The following EXOC6B variants were observed in gnomAD, a reference collection of about 807,000 sequenced individuals.
The protein encoded by EXOC6B is SEC15 homolog B.
Under a neutral mutation model 113.5 loss-of-function variants are expected in EXOC6B, and 54 were observed. The ratio of observed to expected loss-of-function variants is 0.48; its 90% CI spans 0.38 to 0.60. EXOC6B has a LOEUF of 0.60. EXOC6B is among the 20% of genes least tolerant of loss of function. EXOC6B has a pLI of 0.00. For missense variants in EXOC6B, 797 were observed against 977.5 expected (o/e 0.82, Z 2.46); for synonymous variants, 357 against 339.0 (o/e 1.05, Z -0.58).
chr2:72,638,157 G>C (rs899028024), intron 6 of EXOC6B, among the ~76,000 whole-genome samples: 1 of 152,004 alleles, frequency 6.6e-6, no homozygotes, highest in African/African-American at 2.4e-5. Flanking sequence ...TAAAATCAGA[G>C]AAGAAAAAGG....
chr2:72,775,020 G>A (rs192674002), intron 1 of EXOC6B, among the ~76,000 whole-genome samples: 26 of 152,286 alleles, frequency 1.7e-4, no homozygotes, highest in African/African-American at 5.3e-4. Flanking sequence ...CCAAATGGAA[G>A]AGGTGCATAG....
At chr2:72,814,783 A>G (rs574402962) in intron 1 of EXOC6B, among the ~76,000 whole-genome samples, 1 of 151,644 alleles carries the variant, frequency 6.6e-6, no homozygotes, top group East Asian at 2.0e-4. Context: ...CGACGTCAGG[A>G]GATCAAGACC....
chr2:72,435,282 G>C (rs1695785129), intron 18 of EXOC6B, among the ~76,000 whole-genome samples: 1 of 152,106 alleles, frequency 6.6e-6, no homozygotes, highest in Non-Finnish European at 1.5e-5. Context: ...TGTTTGTTAT[G>C]ATTTCCATTC....
At chr2:72,670,182 C>T (rs1675691738) in intron 6 of EXOC6B, among the ~76,000 whole-genome samples, 1 of 152,178 alleles carries the variant, frequency 6.6e-6, no homozygotes, top group South Asian at 2.1e-4. Context: ...CCAACTACTT[C>T]ACTATGCTGT....
chr2:72,317,559 TCACA>T lies in EXOC6B; in HGVS notation c.2196+17384_2196+17387del, dbSNP rs72124979. Among the ~76,000 whole-genome samples, 1,072 of 140,590 alleles carry T rather than the reference TCACA, an allele frequency of 7.6e-3. 7 individuals carry two copies. The highest frequency in any genetic ancestry group is 0.021 in the African/African-American group (833 of 39,092). 92.2% of individuals were successfully genotyped at this position (140,590 alleles called of 152,430 possible). A position where few individuals can be genotyped will look rare whatever the true frequency, so the allele number is the denominator to read the frequency against. On this transcript the variant is annotated intron_variant, in intron 20 of 21. Transcript: ENST00000272427. ...ACACAGGGAAGCATGTATGAACACATCACACACACACACACACACACACACACAC... is the reference window on the plus strand; with the variant it reads ...ACACAGGGAAGCATGTATGAACACATCACACACACACACACACACACACAC...
intron 2 of EXOC6B, among the ~76,000 whole-genome samples, chr2:72,737,522 A>T (rs1256216044): frequency 6.6e-6 from 1 of 152,134 alleles, no homozygotes; most frequent in Non-Finnish European, 1.5e-5. Flanking sequence ...ACATTTGCAT[A>T]GCATATAGTC....
In EXOC6B at chr2:72,184,203, A is replaced by C. The variant is rs1572958367; in HGVS notation, c.2197-16T>G. On this transcript the variant is annotated splice_polypyrimidine_tract_variant and intron_variant, in intron 20 of 21. Coordinates refer to ENST00000272427, the MANE Select transcript of EXOC6B (RefSeq NM_015189.3). ...GATCCAAAAGCTGTAAAATATCCAA[A>C]CCCCACCCCAGGGATTAGTCAGACA... The C allele has an allele frequency of 3.6e-6, 5 of 1,404,152 alleles. No homozygotes were observed. Among genetic ancestry groups the C allele is most frequent in the Non-Finnish European group, 4.9e-6 (5 of 1,012,962 alleles). 87.0% of individuals were successfully genotyped at this position (1,404,152 alleles called of 1,614,324 possible). A position where few individuals can be genotyped will look rare whatever the true frequency, so the allele number is the denominator to read the frequency against.
intron 6 of EXOC6B, among the ~76,000 whole-genome samples, chr2:72,690,152 C>T (rs536734365): frequency 4.6e-5 from 7 of 152,312 alleles, no homozygotes; most frequent in Non-Finnish European, 7.3e-5. Context: ...AACCTCTAAA[C>T]AGATGTTTCA....
intron 1 of EXOC6B, among the ~76,000 whole-genome samples, chr2:72,803,246 A>T (rs1194771436): frequency 1.3e-5 from 2 of 152,120 alleles, no homozygotes; most frequent in Non-Finnish European, 1.5e-5. Flanking sequence ...TGACATCTCA[A>T]AATAGTGAAT....
At chr2:72,311,148 A>G (rs1467410303) in intron 20 of EXOC6B, among the ~76,000 whole-genome samples, 6 of 152,230 alleles carry the variant, frequency 3.9e-5, no homozygotes, top group Non-Finnish European at 1.5e-5. Flanking sequence ...ATAGTACTAC[A>G]AAGTTAGTGG....
chr2:72,539,801 TTTA>T (rs1702495889), intron 8 of EXOC6B, among the ~76,000 whole-genome samples: 1 of 152,040 alleles, frequency 6.6e-6, no homozygotes, highest in African/African-American at 2.4e-5. Flanking sequence ...ATATAATTTT[TTTA>T]TTATTATTAT....
chr2:72,527,881 G>GT (rs1289607117), intron 8 of EXOC6B, among the ~76,000 whole-genome samples: 2 of 151,400 alleles, frequency 1.3e-5, no homozygotes, highest in Admixed American at 1.3e-4. Flanking sequence ...TGTTTCTTTT[G>GT]TTTTTTGTTT....
intron 6 of EXOC6B, among the ~76,000 whole-genome samples, chr2:72,677,299 G>C (rs1676382137): frequency 6.6e-6 from 1 of 152,022 alleles, no homozygotes. Context: ...AGGAGGCCAA[G>C]GCAGGCAGAT....
chr2:72,724,055 T>C (rs1039338255), intron 5 of EXOC6B, among the ~76,000 whole-genome samples: 1 of 152,164 alleles, frequency 6.6e-6, no homozygotes, highest in Non-Finnish European at 1.5e-5. Context: ...TTGATTCAGC[T>C]TGAAGTTGTG....
intron 20 of EXOC6B, among the ~76,000 whole-genome samples, chr2:72,277,254 A>T (rs930911524): frequency 1.3e-5 from 2 of 152,162 alleles, no homozygotes; most frequent in Non-Finnish European, 2.9e-5. Context: ...CAATATATAA[A>T]AATATAGAGT....
At chr2:72,532,680 C>T (rs189274167) in intron 8 of EXOC6B, among the ~76,000 whole-genome samples, 15 of 152,026 alleles carry the variant, frequency 9.9e-5, no homozygotes, top group South Asian at 8.3e-4. Context: ...TGGTGGCGCG[C>T]GCCTGTAATC....
At chr2:72,519,242 T>C (rs868418883) in intron 8 of EXOC6B, among the ~76,000 whole-genome samples, 37 of 152,324 alleles carry the variant, frequency 2.4e-4, no homozygotes, top group African/African-American at 8.7e-4. Context: ...AGTTTTCATA[T>C]TGTAAACGGG....
chr2:72,316,463 G>A (rs1687520376), intron 20 of EXOC6B, among the ~76,000 whole-genome samples: 1 of 152,082 alleles, frequency 6.6e-6, no homozygotes. Context: ...GCCTTTTCCA[G>A]GGCTGTGACC....
At chr2:72,292,172 AGTGTGTGTGTGTGTGTGTGTGTGTGTGT>A (rs58303616) in intron 20 of EXOC6B, among the ~76,000 whole-genome samples, 1 of 139,402 alleles carries the variant, frequency 7.2e-6, no homozygotes, top group South Asian at 2.5e-4. Flanking sequence ...TCCAGAAGTA[AGTGTGTGTGTGTGTGTGTGTGTGTGTGT>A]GTGTGTGTGT....
Sources: gnomAD v4.1 joint callset for allele counts (sites outside exome capture counted in the v4.1 genomes callset) on GRCh38, gnomAD v4.1.1 for gene constraint, MANE v1.5 for transcripts, NCBI Gene and HGNC (gene_info 2026-07-23, HGNC 2026-07-21) for gene names.